The following METTL9 variants were observed in gnomAD, a reference collection of about 807,000 sequenced individuals.
METTL9 encodes the protein protein-L-histidine N-pros-methyltransferase.
Under a neutral mutation model 36.0 loss-of-function variants are expected in METTL9, and 10 were observed. That is an observed-to-expected ratio of 0.28 (90% CI 0.17 to 0.47). The LOEUF (loss-of-function observed/expected upper bound fraction) is 0.47, where lower values mean the gene tolerates loss of function less well. Ranked by LOEUF, METTL9 falls within the 20% of genes least tolerant of loss-of-function variation. The probability of loss-of-function intolerance (pLI) is 0.99; values close to 1 mark genes in which losing one functional copy is unlikely to be tolerated. For missense variants in METTL9, 246 were observed against 383.5 expected, an observed-to-expected ratio of 0.64 and a Z score of 3.00; for synonymous variants, 175 against 149.7, an observed-to-expected ratio of 1.17 and a Z score of -1.23.
intron 3 of METTL9, among the ~76,000 whole-genome samples, chr16:21,621,328 T>C (rs544556198): frequency 6.6e-5 from 10 of 151,612 alleles, no homozygotes; most frequent in African/African-American, 2.4e-4. Context: ...AAAGGTTCTG[T>C]AATTTTTTTT....
intron 4 of METTL9, chr16:21,654,048 T>G (rs1324867800): frequency 6.9e-6 from 1 of 144,144 alleles, no homozygotes; most frequent in Non-Finnish European, 1.5e-5. Flanking sequence ...TTTTTTTTTT[T>G]TTTTTTTTTT....
chr16:21,599,270 G>A (rs575010999), upstream of METTL9, among the ~76,000 whole-genome samples: 2 of 152,284 alleles, frequency 1.3e-5, no homozygotes, highest in Non-Finnish European at 2.9e-5. This position sits in a 1 kb window ranked among gnomAD's most constrained non-coding sequence, Gnocchi z 4.4. Context: ...GCACCACCTT[G>A]GAGGGGCAGG....
chr16:21,652,600 T>A, intron 4 of METTL9: 1 of 1,608,820 alleles, frequency 6.2e-7, no homozygotes. Context: ...AGTCCCCATT[T>A]CTGTGTATGC....
chr16:21,636,677 G>A (rs765991464), intron 4 of METTL9, among the ~76,000 whole-genome samples: 6 of 152,188 alleles, frequency 3.9e-5, no homozygotes, highest in South Asian at 2.1e-4. Flanking sequence ...CTGGAAAGGC[G>A]GAAGCTGGTT....
chr16:21,639,711 A>C (rs1475703312), intron 4 of METTL9: 1 of 152,212 alleles, frequency 6.6e-6, no homozygotes, highest in Non-Finnish European at 1.5e-5. Context: ...ATGTGCACTC[A>C]CGTGTACACA....
chr16:21,608,251 T>G (rs1309580210), intron 1 of METTL9, among the ~76,000 whole-genome samples: 1 of 152,146 alleles, frequency 6.6e-6, no homozygotes, highest in Non-Finnish European at 1.5e-5. Context: ...GCTGGTTGTT[T>G]GGAGAGAGGT....
chr16:21,633,873 T>A (rs1966022570), intron 4 of METTL9, among the ~76,000 whole-genome samples: 1 of 152,176 alleles, frequency 6.6e-6, no homozygotes, highest in Non-Finnish European at 1.5e-5. Flanking sequence ...TTAGCCTGAT[T>A]TGGACTGGGC....
intron 1 of METTL9, among the ~76,000 whole-genome samples, chr16:21,602,105 C>T (rs765754320): frequency 2.6e-5 from 4 of 152,058 alleles, no homozygotes; most frequent in Non-Finnish European, 5.9e-5. Context: ...TTTCCTCCTT[C>T]AGATTAATAG....
Position 21,612,779 on chromosome 16 carries a change from T to A in METTL9, c.300T>A (p.Tyr100Ter). Residue 100 changes from tyrosine to a stop codon, truncating the protein, a stop_gained, in exon 2 of 5, where the codon TAT (tyrosine) becomes TAA (stop). Coordinates refer to ENST00000358154, the MANE Select transcript of METTL9 (RefSeq NM_016025.5). LOFTEE classifies it high-confidence loss of function. ...CGGGCTGGCTATTTATCCAATTATA[T>A]CATTCTTTTGTGTCATCTGTTTTTA... ...EKSGWLFIQL[Y>*]HSFVSSVFSL... is the part of the protein sequence containing the mutation. The A allele has an allele frequency of 6.2e-7, 1 of 1,613,404 alleles. No homozygotes were observed. Among genetic ancestry groups the A allele is most frequent in the Non-Finnish European group, 8.5e-7 (1 of 1,179,778 alleles).
intron 4 of METTL9, among the ~76,000 whole-genome samples, chr16:21,629,558 G>A (rs1965895165): frequency 6.6e-6 from 1 of 152,084 alleles, no homozygotes; most frequent in Non-Finnish European, 1.5e-5. Context: ...CGGCCTGTCT[G>A]GAGGTGTTAG....
At chr16:21,609,973 A>T (rs577578825) in intron 1 of METTL9, among the ~76,000 whole-genome samples, 2 of 152,208 alleles carry the variant, frequency 1.3e-5, no homozygotes, top group African/African-American at 4.8e-5. Flanking sequence ...GTGTGTGTTT[A>T]AAAAACAGCT....
chr16:21,647,127 A>C (rs750798170), intron 4 of METTL9: 1 of 1,614,180 alleles, frequency 6.2e-7, no homozygotes, highest in South Asian at 1.1e-5. Flanking sequence ...AGCCTCGCTG[A>C]CTGACCTCTT....
chr16:21,630,299 C>A (rs571715336), intron 4 of METTL9, among the ~76,000 whole-genome samples: 6 of 152,226 alleles, frequency 3.9e-5, no homozygotes, highest in Admixed American at 3.3e-4. Context: ...TGCGCCCACC[C>A]GGAACCCACG....
chr16:21,622,584 G>T (rs1685731723), intron 3 of METTL9, among the ~76,000 whole-genome samples: 1 of 152,198 alleles, frequency 6.6e-6, no homozygotes, highest in Non-Finnish European at 1.5e-5. Context: ...CAACTTGTTA[G>T]GATTCCTGGG....
chr16:21,627,213 G>A (rs1965835551), intron 4 of METTL9: 1 of 985,388 alleles, frequency 1.0e-6, no homozygotes, highest in Non-Finnish European at 1.2e-6. Flanking sequence ...ACTGGGAGAT[G>A]CAAAATGGTT....
At chr16:21,607,286 G>T (rs895221485) in intron 1 of METTL9, among the ~76,000 whole-genome samples, 1 of 152,160 alleles carries the variant, frequency 6.6e-6, no homozygotes, top group Non-Finnish European at 1.5e-5. Flanking sequence ...TGTTGGCCAG[G>T]CTGGTCTTGA....
chr16:21,652,534 A>G (rs1451434837), intron 4 of METTL9: 1 of 1,610,246 alleles, frequency 6.2e-7, no homozygotes, highest in Non-Finnish European at 8.5e-7. Context: ...AACCTTACCG[A>G]CACAAAATAG....
rs144061764 is a variant in METTL9 at position 21,627,786 on chromosome 16, A to G, written c.751+2671A>G. ...AACACAGTGAAACACCATCTCTGCT[A>G]AAAATATAAAAACAAAATTAGCCGG... On this transcript the variant is annotated intron_variant, in intron 4 of 4. Coordinates refer to ENST00000358154, the MANE Select transcript of METTL9 (RefSeq NM_016025.5). Among the ~76,000 whole-genome samples the G allele has an allele frequency of 3.9e-3, 588 of 152,146 alleles. 9 individuals are homozygous for G. The highest frequency in any genetic ancestry group is 0.013 in the African/African-American group (551 of 41,500).
At chr16:21,642,632 A>G (rs2141611628) in intron 4 of METTL9, among the ~76,000 whole-genome samples, 1 of 152,310 alleles carries the variant, frequency 6.6e-6, no homozygotes, top group African/African-American at 2.4e-5. Context: ...CTTGTTTTTT[A>G]ATATCATTAG....
Sources: allele counts gnomAD v4.1 joint callset (sites outside exome capture counted in the v4.1 genomes callset), GRCh38; gene constraint gnomAD v4.1.1; non-coding constraint Gnocchi (gnomAD v3.1); transcripts MANE v1.5; gene names NCBI Gene and HGNC (gene_info 2026-07-23, HGNC 2026-07-21).